Variants in DLG2 observed in about 807,000 individuals in gnomAD.
DLG2 encodes the protein disks large homolog 2.
DLG2 carries 45 observed loss-of-function variants against 132.5 expected under a neutral mutation model. The ratio of observed to expected loss-of-function variants is 0.34; its 90% CI spans 0.27 to 0.44. The LOEUF (loss-of-function observed/expected upper bound fraction) is 0.44. DLG2 is among the 20% of genes least tolerant of loss of function. DLG2 has a pLI of 1.00. For synonymous variants in DLG2, 424 were observed against 419.6 expected (o/e 1.01, Z -0.13); for missense variants, 1,045 against 1,196.9 (o/e 0.87, Z 1.87).
intron 3 of DLG2, among the ~76,000 whole-genome samples, chr11:85,351,792 G>A (rs975420658): frequency 1.3e-5 from 2 of 152,184 alleles, no homozygotes; most frequent in Non-Finnish European, 2.9e-5. Context: ...TTTTTGAAGT[G>A]CTGCTGGATT....
chr11:85,607,643 A>C (rs1468911022), intron 2 of DLG2, among the ~76,000 whole-genome samples: 1 of 152,220 alleles, frequency 6.6e-6, no homozygotes, highest in Non-Finnish European at 1.5e-5. Context: ...CCAATCAAAA[A>C]GACATAATTT....
chr11:84,809,808 A>G (rs1038290291), intron 6 of DLG2, among the ~76,000 whole-genome samples: 1 of 152,070 alleles, frequency 6.6e-6, no homozygotes, highest in Admixed American at 6.5e-5. Context: ...ACAATTTAAG[A>G]ATGAAGTGAG....
intron 16 of DLG2, among the ~76,000 whole-genome samples, chr11:83,866,376 A>G (rs1328079287): frequency 6.6e-6 from 1 of 152,188 alleles, no homozygotes; most frequent in Non-Finnish European, 1.5e-5. Context: ...AAATCTTGTC[A>G]TGGAATAATG....
intron 7 of DLG2, among the ~76,000 whole-genome samples, chr11:84,252,238 G>C (rs533567826): frequency 5.0e-4 from 65 of 130,632 alleles, no homozygotes; most frequent in African/African-American, 1.8e-3. Context: ...TGCAACCTCT[G>C]CCTCCCCAGT....
At chr11:84,101,965 G>C (rs2092563103) in intron 9 of DLG2, among the ~76,000 whole-genome samples, 1 of 152,060 alleles carries the variant, frequency 6.6e-6, no homozygotes, top group Non-Finnish European at 1.5e-5. Context: ...TACCCCCCAG[G>C]AACAATGAAG....
At chr11:84,743,022 T>C in intron 6 of DLG2, among the ~76,000 whole-genome samples, 1 of 152,320 alleles carries the variant, frequency 6.6e-6, no homozygotes, top group South Asian at 2.1e-4. Context: ...ACCCTAGTAG[T>C]GAGCTCTTAA....
intron 14 of DLG2, among the ~76,000 whole-genome samples, chr11:83,934,415 A>G (rs1211590096): frequency 6.6e-6 from 1 of 152,098 alleles, no homozygotes; most frequent in African/African-American, 2.4e-5. Flanking sequence ...ATATTTCATT[A>G]AAGTATTTTT....
At chr11:84,451,604 T>C (rs1170831617) in intron 7 of DLG2, among the ~76,000 whole-genome samples, 1 of 151,794 alleles carries the variant, frequency 6.6e-6, no homozygotes, top group Non-Finnish European at 1.5e-5. Context: ...CTCCACTTAT[T>C]TATTTATTCA....
At chr11:83,512,895 T>G (rs1031286632) in intron 21 of DLG2, among the ~76,000 whole-genome samples, 1 of 152,194 alleles carries the variant, frequency 6.6e-6, no homozygotes, top group African/African-American at 2.4e-5. Flanking sequence ...TATTCCATGG[T>G]GTATATGTGC....
chr11:83,858,883 A>G (rs1261551362), intron 16 of DLG2, among the ~76,000 whole-genome samples: 2 of 152,190 alleles, frequency 1.3e-5, no homozygotes, highest in Non-Finnish European at 2.9e-5. Context: ...ACAAACACAA[A>G]TGCATAAAAA....
intron 3 of DLG2, among the ~76,000 whole-genome samples, chr11:85,333,165 A>G (rs1342032917): frequency 6.6e-6 from 1 of 151,958 alleles, no homozygotes; most frequent in Non-Finnish European, 1.5e-5. Flanking sequence ...TACCTCCCTG[A>G]TTAGCTATAT....
intron 7 of DLG2, among the ~76,000 whole-genome samples, chr11:84,373,277 A>AAAAAAAAAAAC: frequency 6.7e-6 from 1 of 149,240 alleles, no homozygotes; most frequent in African/African-American, 2.5e-5. Flanking sequence ...AAACAAAAAA[A>AAAAAAAAAAAC]AAACCCACCA....
chr11:83,592,567 C>G (rs957902005), intron 19 of DLG2, among the ~76,000 whole-genome samples: 8 of 152,174 alleles, frequency 5.3e-5, no homozygotes, highest in African/African-American at 1.9e-4. Context: ...CATCACCATT[C>G]AGGACATAGG....
At chr11:84,600,196 G>GAAAC (rs1225064081) in intron 6 of DLG2, among the ~76,000 whole-genome samples, 1 of 135,948 alleles carries the variant, frequency 7.4e-6, no homozygotes, top group Non-Finnish European at 1.5e-5. Context: ...AAGAAAGAAA[G>GAAAC]AAAGAAAGAA....
chr11:83,830,136 G>C (rs1231124270), intron 17 of DLG2, among the ~76,000 whole-genome samples: 1 of 152,146 alleles, frequency 6.6e-6, no homozygotes, highest in East Asian at 1.9e-4. Context: ...GAAAAAAGCA[G>C]ATAATATTTT....
chr11:83,915,303 C>G (rs995148468), intron 15 of DLG2, among the ~76,000 whole-genome samples: 5 of 151,922 alleles, frequency 3.3e-5, no homozygotes, highest in African/African-American at 9.7e-5. Context: ...GTAGACAACT[C>G]TTCTGGCTGG....
intron 4 of DLG2, among the ~76,000 whole-genome samples, chr11:85,260,793 G>A (rs1000373901): frequency 6.6e-6 from 1 of 152,156 alleles, no homozygotes; most frequent in Non-Finnish European, 1.5e-5. Flanking sequence ...TGTGACCAGT[G>A]CTGAGAAGAG....
Position 85,534,766 on chromosome 11 carries a change from T to C in DLG2, c.40+63891A>G, listed in dbSNP as rs1221057638. Among the ~76,000 whole-genome samples, 3 of 152,344 alleles carry C rather than the reference T, an allele frequency of 2.0e-5. No individual in the cohort carries two copies. In the East Asian group the frequency reaches 5.8e-4, roughly 29 times the overall value. On this transcript the variant is annotated intron_variant, in intron 3 of 27. Coordinates refer to ENST00000376104, the MANE Select transcript of DLG2 (RefSeq NM_001142699.3). ...GATGAGCATCTAGCTTGGCTCCATGTGTTTGCTATTGTGAATGGTGCTGCA... is the reference window on the plus strand; with the variant it reads ...GATGAGCATCTAGCTTGGCTCCATGCGTTTGCTATTGTGAATGGTGCTGCA...
chr11:84,687,087 T>C (rs1395772331), intron 6 of DLG2: 1 of 152,136 alleles, frequency 6.6e-6, no homozygotes, highest in South Asian at 2.1e-4. Flanking sequence ...ATGTGCCTTT[T>C]ATTTCAAATA....
Sources: allele counts gnomAD v4.1 joint callset (sites outside exome capture counted in the v4.1 genomes callset), GRCh38; gene constraint gnomAD v4.1.1; transcripts MANE v1.5; gene names NCBI Gene and HGNC (gene_info 2026-07-23, HGNC 2026-07-21).